SLC9C1: variants seen among roughly 807,000 people sequenced by gnomAD.
SLC9C1 encodes sodium/hydrogen exchanger 10.
Under a neutral mutation model 140.9 loss-of-function variants are expected in SLC9C1, and 97 were observed. The ratio of observed to expected loss-of-function variants is 0.69; its 90% confidence interval spans 0.58 to 0.82. SLC9C1 has a LOEUF of 0.82. Ranked by LOEUF, SLC9C1 falls within the 40% of genes least tolerant of loss-of-function variation. SLC9C1 has a pLI of 0.00. For synonymous variants in SLC9C1, 440 were observed against 442.6 expected (o/e 0.99, Z 0.07); for missense variants, 1,340 against 1,389.3 (o/e 0.96, Z 0.56).
intron 13 of SLC9C1, among the ~76,000 whole-genome samples, chr3:112,224,029 C>A (rs944753229): frequency 2.6e-5 from 4 of 152,194 alleles, no homozygotes; most frequent in African/African-American, 9.6e-5. Flanking sequence ...GTAGTAGCAC[C>A]TGAGAAGAGA....
At chr3:112,283,843 CAAAAAAAAA>C (rs386397631) in intron 2 of SLC9C1, among the ~76,000 whole-genome samples, 1 of 111,970 alleles carries the variant, frequency 8.9e-6, no homozygotes, top group Non-Finnish European at 1.8e-5. Flanking sequence ...AATCACTGTG[CAAAAAAAAA>C]AAAAAAAAGA....
intron 28 of SLC9C1, among the ~76,000 whole-genome samples, chr3:112,143,074 T>G (rs2074678674): frequency 6.6e-6 from 1 of 152,334 alleles, no homozygotes; most frequent in Middle Eastern, 3.4e-3. Context: ...TTGGGTCTTT[T>G]TTATGGCTGT....
At chr3:112,196,050 G>C (rs1385723610) in intron 20 of SLC9C1, among the ~76,000 whole-genome samples, 2 of 151,960 alleles carry the variant, frequency 1.3e-5, no homozygotes, top group African/African-American at 4.8e-5. Flanking sequence ...TAACCAGCAG[G>C]ACTTCCTTTT....
In SLC9C1 at chr3:112,226,913, A is replaced by C. The variant is rs116291168; in HGVS notation, c.1572+4448T>G. The stretch of plus-strand genomic sequence containing the variant: ...AAAAACAAAATGTTGTTTTTTAAAT[A>C]AGAAAAAATTAACAAACCATTAGAC... On this transcript the variant is annotated intron_variant, in intron 13 of 28. Transcript: ENST00000305815. Among the ~76,000 whole-genome samples the C allele has an allele frequency of 9.9e-3, 1,503 of 152,278 alleles. 24 individuals are homozygous for C. Among genetic ancestry groups the C allele is most frequent in the African/African-American group, 0.034 (1,401 of 41,560 alleles).
chr3:112,151,053 G>A (rs867456444), intron 28 of SLC9C1, among the ~76,000 whole-genome samples: 20 of 151,794 alleles, frequency 1.3e-4, no homozygotes, highest in Middle Eastern at 3.4e-3. Flanking sequence ...GGTCAGGCTG[G>A]TCTTGAACTC....
At chr3:112,196,219 A>G (rs745409610) in intron 20 of SLC9C1, among the ~76,000 whole-genome samples, 3 of 151,752 alleles carry the variant, frequency 2.0e-5, no homozygotes, top group Admixed American at 6.6e-5. Context: ...ATATCAGCTC[A>G]CTGGCTTCTG....
chr3:112,192,786 G>T lies in SLC9C1; in HGVS notation c.2523+6535C>A, dbSNP rs147312131. ...GTGTACTGTCCATCTGTATTCTCTT[G>T]TATCCTACTGTTTTCTTAACATGAT... On this transcript the variant is annotated intron_variant, in intron 20 of 28. Transcript: ENST00000305815. Among the ~76,000 whole-genome samples, 434 of 152,050 alleles carry T rather than the reference G, an allele frequency of 2.9e-3. 4 individuals are homozygous for T. Among genetic ancestry groups the T allele is most frequent in the African/African-American group, 9.8e-3 (406 of 41,472 alleles).
intron 2 of SLC9C1, among the ~76,000 whole-genome samples, chr3:112,283,752 T>G (rs946326013): frequency 6.8e-6 from 1 of 146,262 alleles, no homozygotes; most frequent in Non-Finnish European, 1.5e-5. Context: ...ATAAAACCAG[T>G]CCAACAATGT....
intron 6 of SLC9C1, among the ~76,000 whole-genome samples, chr3:112,271,403 A>G: frequency 6.7e-6 from 1 of 148,984 alleles, no homozygotes; most frequent in Non-Finnish European, 1.5e-5. Context: ...GTATATATAT[A>G]TATATATCAA....
At chr3:112,175,107 C>A (rs966904319) in intron 23 of SLC9C1, among the ~76,000 whole-genome samples, 2 of 152,050 alleles carry the variant, frequency 1.3e-5, no homozygotes, top group East Asian at 1.9e-4. Flanking sequence ...ATAGCCCTGA[C>A]AAAGGGTGGC....
chr3:112,198,073 A>G (rs1444745896), intron 20 of SLC9C1, among the ~76,000 whole-genome samples: 1 of 152,112 alleles, frequency 6.6e-6, no homozygotes, highest in Non-Finnish European at 1.5e-5. Context: ...CATTATATAA[A>G]ATATTTACTA....
chr3:112,291,807 CAT>C (rs1346488990), intron 1 of SLC9C1, among the ~76,000 whole-genome samples: 13 of 152,204 alleles, frequency 8.5e-5, no homozygotes, highest in Non-Finnish European at 4.4e-5. Flanking sequence ...ATCATAAAGA[CAT>C]ATGCATGCGT....
chr3:112,161,309 A>C (rs933746993), intron 26 of SLC9C1, among the ~76,000 whole-genome samples: 15 of 152,096 alleles, frequency 9.9e-5, no homozygotes, highest in Admixed American at 3.3e-4. Context: ...CTTTTGTTGC[A>C]ATTGCTTTTT....
intron 12 of SLC9C1, among the ~76,000 whole-genome samples, chr3:112,238,391 G>A (rs976153269): frequency 2.6e-5 from 4 of 152,104 alleles, no homozygotes; most frequent in African/African-American, 7.2e-5. Context: ...ACTTCTCTGC[G>A]ATGGGTTCGA....
chr3:112,152,945 C>G (rs928059658), intron 27 of SLC9C1, among the ~76,000 whole-genome samples: 3 of 152,238 alleles, frequency 2.0e-5, no homozygotes, highest in African/African-American at 7.2e-5. Flanking sequence ...TTTCTTATGT[C>G]TTCCTTTTTC....
intron 16 of SLC9C1, among the ~76,000 whole-genome samples, chr3:112,204,719 G>A (rs2077998471): frequency 6.6e-6 from 1 of 152,018 alleles, no homozygotes; most frequent in Non-Finnish European, 1.5e-5. Context: ...ACGCCAGGGT[G>A]TTTTAATTTA....
intron 20 of SLC9C1, among the ~76,000 whole-genome samples, chr3:112,189,526 G>A (rs1208757163): frequency 1.3e-5 from 2 of 152,196 alleles, no homozygotes; most frequent in Admixed American, 1.3e-4. Context: ...GTTTGTCAAA[G>A]ATCAGATGGT....
rs543255253 is a variant in SLC9C1, at chr3:112,198,734, C to T, written c.2523+587G>A. 9.2e-5 allele frequency among the ~76,000 whole-genome samples: 14 copies of T among 151,872 alleles called. No homozygotes were observed. In the South Asian group the frequency reaches 2.1e-3, roughly 23 times the overall value. On this transcript the variant is annotated intron_variant, in intron 20 of 28. Transcript: ENST00000305815. ...ACCTACCGAGACAAAGTATATTACA[C>T]GTTTAATATGCTACCCAATTCAGTT...
At chr3:112,187,629 A>C (rs1163181578) in intron 20 of SLC9C1, among the ~76,000 whole-genome samples, 3 of 152,202 alleles carry the variant, frequency 2.0e-5, no homozygotes, top group African/African-American at 7.2e-5. Context: ...TTTTTAAAAA[A>C]TTAGTTTACT....
Sources: allele counts gnomAD v4.1 joint callset (sites outside exome capture counted in the v4.1 genomes callset), GRCh38; gene constraint gnomAD v4.1.1; transcripts MANE v1.5; gene names NCBI Gene and HGNC (gene_info 2026-07-23, HGNC 2026-07-21).